The following DPP6 variants were observed in gnomAD, a reference collection of about 807,000 sequenced individuals.
The protein encoded by DPP6 is dipeptidyl peptidase like 6.
A neutral mutation model predicts 122.6 loss-of-function variants in DPP6; 69 were observed. The ratio of observed to expected loss-of-function variants is 0.56; its 90% CI spans 0.46 to 0.69. The LOEUF is 0.69. Among genes scored for constraint, DPP6 ranks in the 30% least tolerant of loss-of-function variants. The pLI, the probability that DPP6 is intolerant of heterozygous loss-of-function variation, is 0.00. For missense variants in DPP6, 928 were observed against 1,116.9 expected (o/e 0.83, Z 2.41); for synonymous variants, 418 against 433.1 (o/e 0.97, Z 0.43).
At chr7:154,369,595 A>C (rs1047538522) in intron 1 of DPP6, among the ~76,000 whole-genome samples, 8 of 152,044 alleles carry the variant, frequency 5.3e-5, no homozygotes, top group Admixed American at 5.2e-4. Flanking sequence ...CAAACTCCTG[A>C]CCTCTGGGGA....
At chr7:154,447,479 A>C (rs544894127) in intron 2 of DPP6, among the ~76,000 whole-genome samples, 1 of 152,276 alleles carries the variant, frequency 6.6e-6, no homozygotes, top group East Asian at 1.9e-4. Context: ...TAAGATGAAA[A>C]AAAGTAGATA....
chr7:154,843,883 G>T (rs1000755070), intron 16 of DPP6, among the ~76,000 whole-genome samples: 1 of 152,204 alleles, frequency 6.6e-6, no homozygotes, highest in African/African-American at 2.4e-5. Flanking sequence ...GCATCAAAGC[G>T]TATTTTCATG....
At chr7:154,373,013 G>A (rs1449480484) in intron 1 of DPP6, among the ~76,000 whole-genome samples, 2 of 152,176 alleles carry the variant, frequency 1.3e-5, no homozygotes, top group African/African-American at 4.8e-5. Context: ...ATCACTCACA[G>A]CTCAGTTAGT....
the DPP6 span, among the ~76,000 whole-genome samples, chr7:153,864,069 A>G: frequency 1.3e-5 from 2 of 152,168 alleles, no homozygotes; most frequent in Non-Finnish European, 2.9e-5. Flanking sequence ...TTATCTGGGC[A>G]TGTGTTTTCA....
chr7:153,923,124 G>A (rs529412146), intron 1 of DPP6, among the ~76,000 whole-genome samples: 45 of 152,356 alleles, frequency 3.0e-4, no homozygotes, highest in Admixed American at 9.2e-4. Context: ...AAACAGCCAG[G>A]CAGTGGGCGT....
At chr7:154,553,336 G>T (rs1467700265) in intron 4 of DPP6, among the ~76,000 whole-genome samples, 1 of 152,314 alleles carries the variant, frequency 6.6e-6, no homozygotes, top group Non-Finnish European at 1.5e-5. Flanking sequence ...TTGCTCATGG[G>T]TGGAGAGATG....
intron 1 of DPP6, among the ~76,000 whole-genome samples, chr7:153,983,677 T>C (rs1461879730): frequency 4.6e-5 from 7 of 151,646 alleles, no homozygotes; most frequent in Admixed American, 6.6e-5. Context: ...CCTGGTGATA[T>C]AGGCACCCAA....
At chr7:154,349,858 G>C (rs952744920) in intron 1 of DPP6, among the ~76,000 whole-genome samples, 3 of 152,148 alleles carry the variant, frequency 2.0e-5, no homozygotes, top group African/African-American at 7.2e-5. Context: ...ATTTTAGTCA[G>C]TTATTCTAGA....
At chr7:153,753,829 G>A in the DPP6 span, among the ~76,000 whole-genome samples, 2 of 152,086 alleles carry the variant, frequency 1.3e-5, no homozygotes, top group South Asian at 4.2e-4. Context: ...AATATCTCCT[G>A]TTTACCCATT....
intron 10 of DPP6, among the ~76,000 whole-genome samples, chr7:154,786,013 A>C (rs1797312639): frequency 6.6e-6 from 1 of 151,932 alleles, no homozygotes; most frequent in Non-Finnish European, 1.5e-5. Flanking sequence ...TGTCTGGACT[A>C]CTTTTTCCAA....
chr7:154,299,273 AGG>A (rs901484642), intron 1 of DPP6, among the ~76,000 whole-genome samples: 6 of 152,226 alleles, frequency 3.9e-5, no homozygotes, highest in African/African-American at 1.4e-4. Context: ...AGCAGCTTCC[AGG>A]GACCTCAGCA....
At chr7:154,300,163 G>A (rs1805811027) in intron 1 of DPP6, among the ~76,000 whole-genome samples, 1 of 152,256 alleles carries the variant, frequency 6.6e-6, no homozygotes, top group Non-Finnish European at 1.5e-5. Context: ...ACAAGCGGCT[G>A]CTGGAGTCCC....
intron 8 of DPP6, among the ~76,000 whole-genome samples, chr7:154,758,059 A>G (rs1054439353): frequency 3.3e-5 from 5 of 152,132 alleles, no homozygotes; most frequent in Admixed American, 6.5e-5. Context: ...GTCTTCACTG[A>G]ATCCACTCCC....
At chr7:154,399,947 TG>T (rs892089163) in intron 1 of DPP6, among the ~76,000 whole-genome samples, 20 of 152,302 alleles carry the variant, frequency 1.3e-4, no homozygotes, top group African/African-American at 4.8e-4. Context: ...GAAGAGAGTT[TG>T]CCAAGGTCAA....
At chr7:154,026,543 G>A (rs1241725845) in intron 1 of DPP6, 2 of 152,260 alleles carry the variant, frequency 1.3e-5, no homozygotes, top group South Asian at 2.1e-4. Context: ...GGAGTGTGAT[G>A]AGGTCATGGA....
chr7:154,875,499 C>T lies in DPP6; in HGVS notation c.1884-407C>T, dbSNP rs180859475. Among the ~76,000 whole-genome samples, 751 of 152,298 alleles carry T rather than the reference C, an allele frequency of 4.9e-3. 3 individuals carry two copies. The highest frequency in any genetic ancestry group is 5.0e-3 in the Non-Finnish European group (343 of 68,022). On this transcript the variant is annotated intron_variant, in intron 19 of 25. Transcript: ENST00000377770. The surrounding 1 kb of genome is among the most constrained non-coding windows in gnomAD (Gnocchi z 4.5). ...GGCTAGAGTCAGCGCGGCCTTGTCA[C>T]TTGTGATGGGTACTGAGAGGTACAG... is the stretch of plus-strand genomic sequence containing the variant.
At chr7:154,168,838 T>C (rs186048321) in intron 1 of DPP6, among the ~76,000 whole-genome samples, 2 of 152,382 alleles carry the variant, frequency 1.3e-5, no homozygotes, top group Non-Finnish European at 2.9e-5. Flanking sequence ...CAAGCATTTC[T>C]ATTAAAATCT....
In DPP6 at chr7:154,425,089, T is replaced by C. The variant is rs565657882; in HGVS notation, c.244-21125T>C. Among the ~76,000 whole-genome samples, 34 of 152,370 alleles carry C rather than the reference T, an allele frequency of 2.2e-4. No homozygotes were observed. The South Asian group carries it at 7.0e-3, about 32-fold the overall frequency. On this transcript the variant is annotated intron_variant, in intron 1 of 25. Coordinates refer to ENST00000377770, the MANE Select transcript of DPP6 (RefSeq NM_130797.4). ...TGTAAAGTGTCAGACGGATAACTTATTCTTTCCAAAAGAAGAACAGACTCA... is the reference window on the plus strand; with the variant it reads ...TGTAAAGTGTCAGACGGATAACTTACTCTTTCCAAAAGAAGAACAGACTCA...
intron 1 of DPP6, among the ~76,000 whole-genome samples, chr7:154,128,696 A>G (rs906361178): frequency 8.2e-6 from 1 of 122,418 alleles, no homozygotes; most frequent in Non-Finnish European, 2.0e-5. Context: ...GCCCAAGACT[A>G]TTTTTAAAAA....
Sources: gnomAD v4.1 joint callset for allele counts (sites outside exome capture counted in the v4.1 genomes callset) on GRCh38, gnomAD v4.1.1 for gene constraint, Gnocchi (gnomAD v3.1) non-coding constraint, MANE v1.5 for transcripts, NCBI Gene and HGNC (gene_info 2026-07-23, HGNC 2026-07-21) for gene names.